KDM3B: variants seen among roughly 807,000 people sequenced by gnomAD.
KDM3B encodes lysine demethylase 3B.
In KDM3B, 10 loss-of-function variants were observed where a neutral mutation model predicts 170.0. The ratio of observed to expected loss-of-function variants is 0.06; its 90% CI spans 0.04 to 0.10. The LOEUF is 0.10. Among genes scored for constraint, KDM3B ranks in the 10% least tolerant of loss-of-function variants. KDM3B has a pLI of 1.00. For missense variants in KDM3B, 1,394 were observed against 2,195.2 expected (o/e 0.64, Z 7.29); for synonymous variants, 831 against 834.8 (o/e 1.00, Z 0.08).
rs1200205610 is a variant in KDM3B at position 138,424,326 on chromosome 5, T to C, written c.4224T>C (p.Cys1408=). 3.1e-6 allele frequency: 5 copies of C among 1,613,908 alleles called. No individual in the cohort carries two copies. In the African/African-American group the frequency reaches 5.3e-5, roughly 17 times the overall value. ...NKNNWKIFRE[C]WKQGQPVLVS... ...ACAATTGGAAGATCTTCCGGGAGTGTTGGAAGCAAGGTCAGGTAAGCAAGA... is the reference window on the plus strand; with the variant it reads ...ACAATTGGAAGATCTTCCGGGAGTGCTGGAAGCAAGGTCAGGTAAGCAAGA... Residue 1408 remains cysteine (C), a synonymous_variant, in exon 16 of 24, where the codon TGT becomes TGC. Transcript: ENST00000314358.
At position 138,430,376 on chromosome 5, in the gene KDM3B, T is replaced by C; in HGVS notation, c.5021T>C (p.Val1674Ala). 1 of 1,614,158 alleles carries C rather than the reference T, an allele frequency of 6.2e-7. No homozygotes were observed. Among genetic ancestry groups the C allele is most frequent in the South Asian group, 1.1e-5 (1 of 91,088 alleles). Residue 1674 changes from valine to alanine, a missense_variant, in exon 22 of 24, where the codon GTG (valine) becomes GCG (alanine). Transcript: ENST00000314358. ...TATGGCGTGCAAGGCTGGGCTATTG[T>C]GCAGTTCCTAGGTGATGCTGTTTTC... ...EEYGVQGWAI[V>A]QFLGDAVFIP...
At chr5:138,425,692 G>T in intron 17 of KDM3B, 110 bp downstream of exon 17, 1 of 989,824 alleles carries the variant, frequency 1.0e-6, no homozygotes, top group South Asian at 2.1e-5. Flanking sequence ...AATGGGACTT[G>T]AAAAAATAAA....
At chr5:138,365,979 C>T (rs1052405877) in intron 1 of KDM3B, among the ~76,000 whole-genome samples, 5 of 152,106 alleles carry the variant, frequency 3.3e-5, no homozygotes, top group African/African-American at 1.2e-4. Context: ...GCCTGGGTGA[C>T]AGAGTGATAC....
chr5:138,366,128 T>TC (rs1561757551), intron 1 of KDM3B, among the ~76,000 whole-genome samples: 1 of 152,268 alleles, frequency 6.6e-6, no homozygotes, highest in Non-Finnish European at 1.5e-5. Flanking sequence ...CTTGCTTTTT[T>TC]CCCCTCACAT....
In KDM3B at chr5:138,408,247, G is replaced by A. The variant is rs548277916; in HGVS notation, c.3200-6885G>A. Among the ~76,000 whole-genome samples, 40 of 151,978 alleles carry A rather than the reference G, an allele frequency of 2.6e-4. 1 individual carries two copies. The highest frequency in any genetic ancestry group is 2.4e-5 in the African/African-American group (1 of 41,376). The stretch of plus-strand genomic sequence containing the variant: ...ATCCCTATGTAAATCAGACGCCGCC[G>A]CCTCAAGCCTGAGTAAAATCCAGCA... On this transcript the variant is annotated intron_variant, in intron 11 of 23. Coordinates refer to ENST00000314358, the MANE Select transcript of KDM3B (RefSeq NM_016604.4).
Position 138,382,132 on chromosome 5 carries a change from T to C in KDM3B, c.780+542T>C, listed in dbSNP as rs572798542. Among the ~76,000 whole-genome samples the C allele has an allele frequency of 7.2e-5, 11 of 152,188 alleles. No homozygotes were observed. The East Asian group carries it at 1.9e-3, about 27-fold the overall frequency. On this transcript the variant is annotated intron_variant, in intron 6 of 23. Transcript: ENST00000314358. The stretch of plus-strand genomic sequence containing the variant: ...CAACTCTTGGTTTATTCAGAATTAA[T>C]ATAGCCCCAAAAAAGATACATTAAA...
At chr5:138,357,572 A>T (rs1201767831) in intron 1 of KDM3B, among the ~76,000 whole-genome samples, 1 of 152,034 alleles carries the variant, frequency 6.6e-6, no homozygotes, top group African/African-American at 2.4e-5. Flanking sequence ...CATGTTGCCC[A>T]GGCAGGTCTT....
chr5:138,353,807 T>G (rs1368991563), intron 1 of KDM3B, among the ~76,000 whole-genome samples: 1 of 152,196 alleles, frequency 6.6e-6, no homozygotes, highest in Non-Finnish European at 1.5e-5. Flanking sequence ...TGTTCAGTCA[T>G]ACAACTTAAC....
rs1211180662 is a variant in KDM3B at position 138,398,192 on chromosome 5, G to A, written c.2846G>A (p.Arg949Gln). 2.5e-6 allele frequency: 4 copies of A among 1,612,014 alleles called. No homozygotes were observed. Among genetic ancestry groups the A allele is most frequent in the South Asian group, 2.2e-5 (2 of 90,874 alleles). ...TCATGTCTCAGGTTGATCTTCACTCGAAAAGGGGTACTCCGTGTGGAGGGG... is the reference window on the plus strand; with the variant it reads ...TCATGTCTCAGGTTGATCTTCACTCAAAAAGGGGTACTCCGTGTGGAGGGG... ...FFHFRRLIFTRKGVLRVEGFL... is the reference protein window; with the variant it reads ...FFHFRRLIFTQKGVLRVEGFL... The change falls in exon 10 of 24, where the codon CGA (arginine) becomes CAA (glutamine). Residue 949 changes from arginine (R) to glutamine (Q), a missense_variant. This residue lies in a region of KDM3B where 76 missense variants were observed against 190.2 expected (regional missense o/e 0.40). Coordinates refer to ENST00000314358, the MANE Select transcript of KDM3B (RefSeq NM_016604.4).
intron 7 of KDM3B, among the ~76,000 whole-genome samples, chr5:138,389,782 C>CTG (rs148405512): frequency 0.3 from 43,413 of 143,270 alleles, 6,903 homozygotes; most frequent in Non-Finnish European, 0.37. Context: ...CTCTCTCTCT[C>CTG]TGTGTGTGTG....
At chr5:138,368,930 A>C (rs1001731103) in intron 1 of KDM3B, among the ~76,000 whole-genome samples, 2 of 152,238 alleles carry the variant, frequency 1.3e-5, no homozygotes, top group Non-Finnish European at 2.9e-5. Flanking sequence ...TTAAATATTC[A>C]AGTTCTTATG....
chr5:138,384,631 TG>T (rs1762209293), intron 6 of KDM3B, among the ~76,000 whole-genome samples: 1 of 149,896 alleles, frequency 6.7e-6, no homozygotes, highest in Admixed American at 6.7e-5. Flanking sequence ...CCCAGCTACT[TG>T]GGAGGCTGAG....
intron 10 of KDM3B, among the ~76,000 whole-genome samples, 188 bp downstream of exon 10, chr5:138,398,580 A>G (rs1219766105): frequency 1.3e-5 from 2 of 152,176 alleles, no homozygotes; most frequent in African/African-American, 4.8e-5. Flanking sequence ...TCATTCTTTC[A>G]GTCTTTGGCA....
At chr5:138,387,701 G>A (rs1227443345) in intron 7 of KDM3B, among the ~76,000 whole-genome samples, 2 of 152,142 alleles carry the variant, frequency 1.3e-5, no homozygotes, top group African/African-American at 4.8e-5. Flanking sequence ...TTGTCCTGTT[G>A]GTTGACCAGC....
chr5:138,431,570 C>T lies in KDM3B; in HGVS notation c.5205+11C>T. On this transcript the variant is annotated intron_variant, in intron 23 of 23. Coordinates refer to ENST00000314358, the MANE Select transcript of KDM3B (RefSeq NM_016604.4). ...GAGGATAAACTGCAGGTAAATAACT[C>T]CTCCCTCTACCCCACTCTGTCTTCT... 1 of 1,596,126 alleles carries T rather than the reference C, an allele frequency of 6.3e-7. No homozygotes were observed. Among genetic ancestry groups the T allele is most frequent in the Non-Finnish European group, 8.5e-7 (1 of 1,172,972 alleles).
chr5:138,405,558 A>T (rs549382122), intron 11 of KDM3B, among the ~76,000 whole-genome samples: 1 of 151,944 alleles, frequency 6.6e-6, no homozygotes, highest in Admixed American at 6.6e-5. Context: ...TCAAACCAAG[A>T]AAAGCTGATA....
intron 11 of KDM3B, among the ~76,000 whole-genome samples, chr5:138,403,659 A>G (rs1328797537): frequency 1.3e-5 from 2 of 149,336 alleles, no homozygotes; most frequent in African/African-American, 2.5e-5. Flanking sequence ...CCTGGGCAAC[A>G]AGAGCGAAAC....
intron 9 of KDM3B, among the ~76,000 whole-genome samples, chr5:138,394,936 A>G (rs1040585090): frequency 1.3e-5 from 2 of 152,196 alleles, no homozygotes; most frequent in Non-Finnish European, 2.9e-5. Context: ...TAGAGTAGAC[A>G]TAATTTTCTG....
At chr5:138,412,645 C>T (rs1010932053) in intron 11 of KDM3B, among the ~76,000 whole-genome samples, 1 of 151,992 alleles carries the variant, frequency 6.6e-6, no homozygotes, top group Non-Finnish European at 1.5e-5. Context: ...CAGAGTGAGA[C>T]CCTGTCTCCA....
Sources: allele counts gnomAD v4.1 joint callset (sites outside exome capture counted in the v4.1 genomes callset), GRCh38; gene constraint gnomAD v4.1.1; regional missense constraint gnomAD v4.1.1; transcripts MANE v1.5; gene names NCBI Gene and HGNC (gene_info 2026-07-23, HGNC 2026-07-21).